The following DOCK8 variants were observed in gnomAD, a reference collection of about 807,000 sequenced individuals.
DOCK8 encodes dedicator of cytokinesis 8, also known as dedicator of cytokinesis protein 8.
A neutral mutation model predicts 245.6 loss-of-function variants in DOCK8; 141 were observed. That is an observed-to-expected ratio of 0.57 (90% CI 0.50 to 0.66). DOCK8 has a LOEUF of 0.66. Ranked by LOEUF, DOCK8 falls within the 30% of genes least tolerant of loss-of-function variation. The pLI is 0.00. For missense variants in DOCK8, 2,965 were observed against 2,603.4 expected (o/e 1.14, Z -3.02); for synonymous variants, 1,168 against 970.2 (o/e 1.20, Z -3.79).
chr9:362,019 C>T (rs1316873678), intron 14 of DOCK8, among the ~76,000 whole-genome samples: 1 of 152,098 alleles, frequency 6.6e-6, no homozygotes, highest in Non-Finnish European at 1.5e-5. Flanking sequence ...AAGGGTTGTT[C>T]GACCTTGAAC....
intron 24 of DOCK8, 22 bp downstream of exon 24, chr9:390,588 A>G (rs371079900): frequency 1.6e-5 from 26 of 1,606,718 alleles, no homozygotes; most frequent in Middle Eastern, 1.6e-4. Context: ...GCGCGTTTGT[A>G]TCTGTGCTCA....
At chr9:427,816 G>T (rs900261558) in intron 34 of DOCK8, among the ~76,000 whole-genome samples, 3 of 152,120 alleles carry the variant, frequency 2.0e-5, no homozygotes, top group Admixed American at 1.3e-4. Flanking sequence ...TTAAATGCTT[G>T]GTATCACATT....
chr9:359,803 CAA>C (rs67236172), intron 14 of DOCK8, among the ~76,000 whole-genome samples: 3,394 of 108,490 alleles, frequency 0.031, 89 homozygotes, highest in African/African-American at 0.095. Context: ...TCTGTCTTTG[CAA>C]AAAAAAAAAA....
intron 2 of DOCK8, among the ~76,000 whole-genome samples, chr9:280,613 G>C (rs760172022): frequency 3.9e-5 from 6 of 152,164 alleles, no homozygotes; most frequent in Admixed American, 2.0e-4. Flanking sequence ...CTTCCCACTG[G>C]CTAAGTCAGG....
intron 17 of DOCK8, 67 bp from the exon 18 acceptor site, chr9:372,118 C>A: frequency 7.3e-7 from 1 of 1,374,474 alleles, no homozygotes; most frequent in Non-Finnish European, 1.0e-6. Context: ...TTATTGCGAG[C>A]TAGATAAATT....
intron 4 of DOCK8, among the ~76,000 whole-genome samples, chr9:300,666 T>C (rs918479879): frequency 2.6e-5 from 4 of 151,782 alleles, no homozygotes; most frequent in Non-Finnish European, 5.9e-5. Flanking sequence ...AAAATGACAC[T>C]ACAACTGATG....
intron 28 of DOCK8, among the ~76,000 whole-genome samples, chr9:411,930 G>C (rs180756687): frequency 1.3e-5 from 2 of 152,266 alleles, no homozygotes; most frequent in Admixed American, 1.3e-4. Context: ...GGAAATAAGA[G>C]AACTTCCTCA....
rs1410996715 is a variant in DOCK8 at position 312,163 on chromosome 9, C to G, written c.738C>G (p.Asp246Glu). ...AELFALYPSV[D>E]EEDAVEIRPV... is the part of the protein sequence containing the mutation. ...TCTTTGCCCTTTACCCATCAGTGGA[C>G]GAGGTGGGTGCCACTGTTTCCATAC... The change falls in exon 6 of 48, where the codon GAC (aspartate) becomes GAG (glutamate). Residue 246 changes from aspartate (D) to glutamate (E), a missense_variant. Physicochemically the swap from Asp to Glu is conservative, Grantham distance 45. Transcript: ENST00000432829. 4 of 1,614,010 alleles carry G rather than the reference C, an allele frequency of 2.5e-6. No individual in the cohort carries two copies. Among genetic ancestry groups the G allele is most frequent in the Non-Finnish European group, 3.4e-6 (4 of 1,179,880 alleles).
chr9:312,188 C>G lies in DOCK8; in HGVS notation c.741+22C>G, dbSNP rs1289258810. On this transcript the variant is annotated intron_variant, in intron 6 of 47. Transcript: ENST00000432829. ...CGAGGTGGGTGCCACTGTTTCCATACTGGAGAATCTCAGTGAAGACTCTGA... is the reference window on the plus strand; with the variant it reads ...CGAGGTGGGTGCCACTGTTTCCATAGTGGAGAATCTCAGTGAAGACTCTGA... 3 of 1,612,552 alleles carry G rather than the reference C, an allele frequency of 1.9e-6. No individual in the cohort carries two copies. In the South Asian group the frequency reaches 3.3e-5, roughly 18 times the overall value.
chr9:448,532 C>G (rs1045607581), intron 44 of DOCK8, among the ~76,000 whole-genome samples: 1 of 152,202 alleles, frequency 6.6e-6, no homozygotes, highest in African/African-American at 2.4e-5. Context: ...ACTGTCTGCA[C>G]AATTCTAGAG....
intron 5 of DOCK8, among the ~76,000 whole-genome samples, chr9:305,110 T>G (rs1383521412): frequency 6.6e-6 from 1 of 152,118 alleles, no homozygotes; most frequent in Non-Finnish European, 1.5e-5. Context: ...AGCAGGATAA[T>G]TAAACTTATT....
In DOCK8 at chr9:328,060, G is replaced by C. The variant is rs139917518; in HGVS notation, c.933G>C (p.Gln311His). 5.6e-6 allele frequency: 9 copies of C among 1,614,176 alleles called. No individual in the cohort carries two copies. In the African/African-American group the frequency reaches 9.3e-5, roughly 17 times the overall value. The change falls in exon 9 of 48, where the codon CAG becomes CAC. Residue 311 changes from glutamine to histidine, a missense_variant. Coordinates refer to ENST00000432829, the MANE Select transcript of DOCK8 (RefSeq NM_203447.4). The stretch of plus-strand genomic sequence containing the variant: ...TTCACTGTGACCTGAACTCTGACCA[G>C]TTCAAAGGATTTCTGCGAGCTCACA... ...ENFHCDLNSD[Q>H]FKGFLRAHTP...
intron 20 of DOCK8, among the ~76,000 whole-genome samples, chr9:379,406 G>A (rs1407526392): frequency 8.5e-5 from 13 of 152,190 alleles, no homozygotes; most frequent in Non-Finnish European, 1.9e-4. Context: ...GGTGGGGCCT[G>A]AGATTCTGCA....
intron 24 of DOCK8, among the ~76,000 whole-genome samples, chr9:394,865 G>C (rs1305819164): frequency 1.3e-5 from 2 of 152,228 alleles, no homozygotes; most frequent in Admixed American, 1.3e-4. Flanking sequence ...TAGCTGGCAA[G>C]CTGCTGACAG....
At chr9:415,290 C>G (rs2055941881) in intron 29 of DOCK8, among the ~76,000 whole-genome samples, 2 of 152,274 alleles carry the variant, frequency 1.3e-5, no homozygotes, top group Admixed American at 6.5e-5. Context: ...AGATCGTGCT[C>G]TAACACCTTG....
chr9:215,447 G>C, intron 1 of DOCK8: 3 of 1,497,904 alleles, frequency 2.0e-6, no homozygotes, highest in African/African-American at 1.5e-5. Context: ...AAGAAGTGAA[G>C]TGGCTGAAAT....
At chr9:344,532 G>C (rs1213604058) in intron 14 of DOCK8, among the ~76,000 whole-genome samples, 1 of 150,234 alleles carries the variant, frequency 6.7e-6, no homozygotes, top group Non-Finnish European at 1.5e-5. Context: ...GGTAAAATTG[G>C]CAAGCTGACT....
intron 32 of DOCK8, 70 bp downstream of exon 32, chr9:421,148 C>T: frequency 6.3e-7 from 1 of 1,591,662 alleles, no homozygotes; most frequent in Non-Finnish European, 8.6e-7. Flanking sequence ...GGAATGTCCT[C>T]CCAACATGAT....
chr9:376,903 C>A, intron 19 of DOCK8, 74 bp from the exon 20 acceptor site: 1 of 1,313,610 alleles, frequency 7.6e-7, no homozygotes, highest in Non-Finnish European at 1.1e-6. Context: ...AAGAGCTATT[C>A]GATTGTGTTT....
Sources: gnomAD v4.1 joint callset for allele counts (sites outside exome capture counted in the v4.1 genomes callset) on GRCh38, gnomAD v4.1.1 for gene constraint, MANE v1.5 for transcripts, NCBI Gene and HGNC (gene_info 2026-07-23, HGNC 2026-07-21) for gene names.